Variants in CCSER1 observed in about 807,000 individuals in gnomAD.
CCSER1 encodes the protein coiled-coil serine rich protein 1.
A neutral mutation model predicts 82.0 loss-of-function variants in CCSER1; 41 were observed. The observed-to-expected ratio is 0.50, with a 90% CI of 0.39 to 0.65. The LOEUF (loss-of-function observed/expected upper bound fraction) is 0.65, where lower values mean the gene tolerates loss of function less well. CCSER1 is among the 30% of genes least tolerant of loss of function. The pLI is 0.00. For missense variants in CCSER1, 1,119 were observed against 1,064.2 expected, an observed-to-expected ratio of 1.05 and a Z score of -0.72; for synonymous variants, 414 against 383.9, an observed-to-expected ratio of 1.08 and a Z score of -0.92.
intron 1 of CCSER1, among the ~76,000 whole-genome samples, chr4:90,198,667 T>C (rs1215916112): frequency 2.0e-5 from 3 of 152,156 alleles, no homozygotes; most frequent in Non-Finnish European, 4.4e-5. Context: ...ATAAAATGGA[T>C]GCTTCCTGAC....
chr4:90,728,123 G>A (rs2149391112), intron 7 of CCSER1, among the ~76,000 whole-genome samples: 1 of 152,200 alleles, frequency 6.6e-6, no homozygotes, highest in African/African-American at 2.4e-5. Context: ...TGCATTCCTG[G>A]AATGCCTAGA....
chr4:90,722,765 G>A (rs1742899031), intron 6 of CCSER1, among the ~76,000 whole-genome samples: 1 of 151,702 alleles, frequency 6.6e-6, no homozygotes, highest in Non-Finnish European at 1.5e-5. Context: ...CTTATCCTTG[G>A]TTTCTGGACT....
intron 10 of CCSER1, among the ~76,000 whole-genome samples, chr4:91,476,625 C>T (rs1757613197): frequency 6.6e-6 from 1 of 151,474 alleles, no homozygotes; most frequent in South Asian, 2.1e-4. Flanking sequence ...AAGCTGGAGA[C>T]ATCATATTAC....
chr4:90,869,260 C>T (rs1315109586), intron 8 of CCSER1, among the ~76,000 whole-genome samples: 1 of 151,888 alleles, frequency 6.6e-6, no homozygotes, highest in Non-Finnish European at 1.5e-5. Flanking sequence ...GTATAATACT[C>T]AAGAAATCTT....
In CCSER1 at chr4:90,624,086, A is replaced by G. The variant is rs1216364104; in HGVS notation, c.1725-3939A>G. Among the ~76,000 whole-genome samples the G allele has an allele frequency of 3.3e-5, 5 of 152,330 alleles. No homozygotes were observed. The East Asian group carries it at 9.6e-4, about 29-fold the overall frequency. On this transcript the variant is annotated intron_variant, in intron 5 of 10. Transcript: ENST00000509176. ...AGTTGTGTGCATATGCTTATTTATTATGCCAGGTAAATAGGGGTTACTTAC... is the reference window on the plus strand; with the variant it reads ...AGTTGTGTGCATATGCTTATTTATTGTGCCAGGTAAATAGGGGTTACTTAC...
chr4:90,276,296 TTCC>T (rs1248174881), intron 1 of CCSER1, among the ~76,000 whole-genome samples: 7 of 134,602 alleles, frequency 5.2e-5, no homozygotes, highest in African/African-American at 1.5e-4. Flanking sequence ...CCTTCCTTCC[TTCC>T]TTCCTTCCTT....
intron 10 of CCSER1, among the ~76,000 whole-genome samples, chr4:91,174,822 CTTTT>C (rs61059675): frequency 6.8e-6 from 1 of 146,526 alleles, no homozygotes. Context: ...TTTTTCTTTT[CTTTT>C]TTTTTTTTTA....
At chr4:90,920,412 A>AT (rs1436139927) in intron 8 of CCSER1, among the ~76,000 whole-genome samples, 1 of 151,868 alleles carries the variant, frequency 6.6e-6, no homozygotes. Context: ...CATTCCTCAC[A>AT]TTGTCCCTTT....
chr4:90,541,006 T>A (rs946133096), intron 5 of CCSER1, among the ~76,000 whole-genome samples: 4 of 152,042 alleles, frequency 2.6e-5, no homozygotes, highest in Admixed American at 6.6e-5. Flanking sequence ...TTCACTAAGT[T>A]CACTATTTGA....
At chr4:90,509,778 T>C (rs1771217885) in intron 5 of CCSER1, among the ~76,000 whole-genome samples, 1 of 152,200 alleles carries the variant, frequency 6.6e-6, no homozygotes, top group African/African-American at 2.4e-5. Context: ...TCATGTCACC[T>C]TCACTGCTCA....
intron 10 of CCSER1, among the ~76,000 whole-genome samples, chr4:91,300,400 T>C (rs1744575852): frequency 6.6e-6 from 1 of 151,808 alleles, no homozygotes; most frequent in Non-Finnish European, 1.5e-5. Flanking sequence ...AAGTAATGTG[T>C]GTTCATGGCA....
chr4:90,128,964 G>A (rs1722355026), intron 1 of CCSER1, among the ~76,000 whole-genome samples: 1 of 151,802 alleles, frequency 6.6e-6, no homozygotes, highest in Admixed American at 6.6e-5. Context: ...ATACTTCTTA[G>A]AAGTTACAGA....
intron 9 of CCSER1, among the ~76,000 whole-genome samples, chr4:90,958,803 T>A (rs1733773885): frequency 6.6e-6 from 1 of 152,152 alleles, no homozygotes; most frequent in Non-Finnish European, 1.5e-5. Flanking sequence ...TCCAGAATTG[T>A]CAGAAATAAA....
rs10553389 is a variant in CCSER1 at position 90,957,700 on chromosome 4, G to GTATA, written c.2172+34268_2172+34271dup. 8.4e-3 allele frequency among the ~76,000 whole-genome samples: 1,119 copies of GTATA among 133,656 alleles called. 7 individuals are homozygous for GTATA. The highest frequency in any genetic ancestry group is 0.013 in the Non-Finnish European group (814 of 64,224). The allele number at this position is 133,656 out of a possible 152,430, so 87.7% of individuals were successfully genotyped here. ...CATGGTATATGTATAATTTCATGGT[G>GTATA]TATATATATATATATATACCCACAC... On this transcript the variant is annotated intron_variant, in intron 9 of 10. Coordinates refer to ENST00000509176, the MANE Select transcript of CCSER1 (RefSeq NM_001145065.2).
At chr4:90,358,105 G>A (rs1313523087) in intron 3 of CCSER1, among the ~76,000 whole-genome samples, 1 of 151,902 alleles carries the variant, frequency 6.6e-6, no homozygotes, top group East Asian at 1.9e-4. Flanking sequence ...TAACTATAAG[G>A]AAAATGATAT....
At chr4:91,335,828 CA>C (rs1294022933) in intron 10 of CCSER1, among the ~76,000 whole-genome samples, 2 of 151,444 alleles carry the variant, frequency 1.3e-5, no homozygotes, top group African/African-American at 2.4e-5. Flanking sequence ...GAGTTAGAGA[CA>C]AAAAAAATTG....
intron 10 of CCSER1, among the ~76,000 whole-genome samples, chr4:91,235,174 T>C (rs1738908491): frequency 6.6e-6 from 1 of 152,136 alleles, no homozygotes; most frequent in African/African-American, 2.4e-5. Flanking sequence ...GATATTGTAT[T>C]CCTAAAATCT....
chr4:90,730,482 G>A (rs996551026), intron 7 of CCSER1, among the ~76,000 whole-genome samples: 2 of 152,144 alleles, frequency 1.3e-5, no homozygotes, highest in African/African-American at 4.8e-5. Flanking sequence ...ATATTCTAAG[G>A]CATTGGTATG....
chr4:90,928,008 C>T (rs7686744), intron 9 of CCSER1, among the ~76,000 whole-genome samples: 82,243 of 151,764 alleles, frequency 0.54, 23,969 homozygotes, highest in African/African-American at 0.77. Flanking sequence ...CTGTTTTGCT[C>T]TTATTTATTA....
Sources: gnomAD v4.1 joint callset for allele counts (sites outside exome capture counted in the v4.1 genomes callset) on GRCh38, gnomAD v4.1.1 for gene constraint, MANE v1.5 for transcripts, NCBI Gene and HGNC (gene_info 2026-07-23, HGNC 2026-07-21) for gene names.